Variants in DENND4C observed in about 807,000 individuals in gnomAD.
The protein encoded by DENND4C is DENN domain-containing protein 4C.
Under a neutral mutation model 203.0 loss-of-function variants are expected in DENND4C, and 108 were observed. The ratio of observed to expected loss-of-function variants is 0.53; its 90% CI spans 0.46 to 0.62. DENND4C has a LOEUF of 0.62. Among genes scored for constraint, DENND4C ranks in the 20% least tolerant of loss-of-function variants. DENND4C has a pLI of 0.00. For synonymous variants in DENND4C, 871 were observed against 792.4 expected (o/e 1.10, Z -1.67); for missense variants, 2,481 against 2,301.2 (o/e 1.08, Z -1.60).
At chr9:19,271,891 AAAG>A (rs1385009403) in intron 1 of DENND4C, among the ~76,000 whole-genome samples, 5 of 151,456 alleles carry the variant, frequency 3.3e-5, no homozygotes, top group African/African-American at 2.4e-5. Context: ...AAAAAAGAGA[AAAG>A]AAAACAGAGA....
chr9:19,271,863 C>G (rs1445651000), intron 1 of DENND4C, among the ~76,000 whole-genome samples: 3 of 142,296 alleles, frequency 2.1e-5, no homozygotes, highest in African/African-American at 5.3e-5. Flanking sequence ...GAGTGAAACT[C>G]TGTCTCAAAA....
At chr9:19,292,079 C>T (rs1588856388) in intron 5 of DENND4C, among the ~76,000 whole-genome samples, 2 of 151,922 alleles carry the variant, frequency 1.3e-5, no homozygotes, top group East Asian at 1.9e-4. Flanking sequence ...GGCTGGAGTG[C>T]AGTGGTGCGA....
Position 19,286,974 on chromosome 9 carries a change from C to A in DENND4C, c.511C>A (p.Pro171Thr). The A allele has an allele frequency of 1.6e-6, 2 of 1,232,048 alleles. No individual in the cohort carries two copies. Among genetic ancestry groups the A allele is most frequent in the South Asian group, 4.1e-5 (1 of 24,312 alleles). The allele number at this position is 1,232,048 out of a possible 1,614,324, so 76.3% of individuals were successfully genotyped here. The change falls in exon 3 of 33, where the codon CCT becomes ACT. Residue 171 changes from proline to threonine, a missense_variant. This residue lies in a region of DENND4C where 2,289 missense variants were observed against 2,113.3 expected (regional missense o/e 1.08). Transcript: ENST00000434457. ...TATTGTAACCAGTAAAGGAGAAACT[C>A]CTCCTCATACCTTCTGCAAAGTTGA... ...CVIVTSKGET[P>T]PHTFCKVDKN...
intron 1 of DENND4C, among the ~76,000 whole-genome samples, chr9:19,237,061 C>T (rs7019269): frequency 0.035 from 5,315 of 152,172 alleles, 320 homozygotes; most frequent in African/African-American, 0.12. Context: ...GCTCTTGTTG[C>T]CCGGGCTGGA....
At chr9:19,267,824 C>T (rs1003246097) in intron 1 of DENND4C, among the ~76,000 whole-genome samples, 2 of 152,152 alleles carry the variant, frequency 1.3e-5, no homozygotes, top group Non-Finnish European at 2.9e-5. Context: ...TAGGCATGAA[C>T]CACTGTGCCC....
At chr9:19,349,885 G>T (rs576770462) in intron 23 of DENND4C, among the ~76,000 whole-genome samples, 3 of 152,250 alleles carry the variant, frequency 2.0e-5, no homozygotes, top group African/African-American at 7.2e-5. Context: ...AGATTTATAT[G>T]ATTTTATATG....
chr9:19,350,867 C>T lies in DENND4C; in HGVS notation c.4483C>T (p.His1495Tyr), dbSNP rs749453801. The change falls in exon 24 of 33, where the codon CAT becomes TAT. Residue 1495 changes from histidine (H) to tyrosine (Y), a missense_variant. This residue lies in a region of DENND4C where 2,289 missense variants were observed against 2,113.3 expected (regional missense o/e 1.08). Transcript: ENST00000434457. The stretch of plus-strand genomic sequence containing the variant: ...CAGTAGTGGAGATGTAGGAAAACTG[C>T]ATTATCCAACAGGTATGGGGAAGGA... ...SSSSGDVGKLHYPTGEVPFPR... is the reference protein window; with the variant it reads ...SSSSGDVGKLYYPTGEVPFPR... 24 of 1,612,762 alleles carry T rather than the reference C, an allele frequency of 1.5e-5. No individual in the cohort carries two copies. The highest frequency in any genetic ancestry group is 2.0e-5 in the Non-Finnish European group (24 of 1,179,422).
chr9:19,307,435 A>G (rs1229984641), intron 10 of DENND4C, among the ~76,000 whole-genome samples: 6 of 150,806 alleles, frequency 4.0e-5, no homozygotes, highest in Non-Finnish European at 8.9e-5. Context: ...TCCAAATTAT[A>G]CAGAATAATG....
At chr9:19,255,059 A>G (rs549688090) in intron 1 of DENND4C, among the ~76,000 whole-genome samples, 1 of 152,168 alleles carries the variant, frequency 6.6e-6, no homozygotes, top group Non-Finnish European at 1.5e-5. Flanking sequence ...CAGGAGAGTC[A>G]CTTGAACCCC....
intron 1 of DENND4C, among the ~76,000 whole-genome samples, chr9:19,254,607 G>A (rs1827470540): frequency 6.6e-6 from 1 of 152,058 alleles, no homozygotes; most frequent in Non-Finnish European, 1.5e-5. Flanking sequence ...AAATAGGGAG[G>A]GGATGTAATG....
intron 1 of DENND4C, among the ~76,000 whole-genome samples, chr9:19,249,843 G>C (rs998003681): frequency 6.6e-6 from 1 of 151,750 alleles, no homozygotes; most frequent in African/African-American, 2.4e-5. Flanking sequence ...TTTTTTGTAG[G>C]GGCTAGGTCT....
chr9:19,331,899 C>T (rs1030261365), intron 16 of DENND4C, 79 bp from the exon 17 acceptor site: 36 of 1,328,758 alleles, frequency 2.7e-5, no homozygotes, highest in African/African-American at 7.4e-5. Flanking sequence ...CTTAAATTCT[C>T]CTCTCCCTTT....
At position 19,299,304 on chromosome 9, in the gene DENND4C, A is replaced by G. The variant is rs775519521; in HGVS notation, c.1166+17A>G. ...ACCACTAAGGTAATTACTGGTATTT[A>G]AAATGATATATTTATTCAGTTGGAG... On this transcript the variant is annotated intron_variant, in intron 8 of 32. Coordinates refer to ENST00000434457, the MANE Select transcript of DENND4C (RefSeq NM_001330640.2). 12 of 1,511,076 alleles carry G rather than the reference A, an allele frequency of 7.9e-6. No individual in the cohort carries two copies. Among genetic ancestry groups the G allele is most frequent in the South Asian group, 1.3e-5 (1 of 77,832 alleles). The allele number at this position is 1,511,076 out of a possible 1,614,324, so 93.6% of individuals were successfully genotyped here.
chr9:19,362,047 G>C, intron 30 of DENND4C, 84 bp downstream of exon 30: 2 of 754,744 alleles, frequency 2.6e-6, no homozygotes, highest in Non-Finnish European at 4.4e-6. Flanking sequence ...GCCTAGGCTG[G>C]CGGACCACTT....
At position 19,300,242 on chromosome 9, in the gene DENND4C, C is replaced by G. The variant is rs1280525271; in HGVS notation, c.1222C>G (p.Leu408Val). 6.2e-7 allele frequency: 1 copy of G among 1,613,162 alleles called. No individual in the cohort carries two copies. Among genetic ancestry groups the G allele is most frequent in the East Asian group, 2.2e-5 (1 of 44,850 alleles). ...MNLGPENCATLLLFVLLESKI... is the reference protein window; with the variant it reads ...MNLGPENCATVLLFVLLESKI... Reference sequence around the variant, plus strand: ...TCTGGGTCCTGAGAATTGTGCAACACTGCTGCTCTTTGTTTTACTTGAGAG... The same window carrying G: ...TCTGGGTCCTGAGAATTGTGCAACAGTGCTGCTCTTTGTTTTACTTGAGAG... The change falls in exon 9 of 33, where the codon CTG becomes GTG. Residue 408 changes from leucine (L) to valine (V), a missense_variant. Physicochemically the swap from Leu to Val is conservative, Grantham distance 32. Transcript: ENST00000434457.
At position 19,361,515 on chromosome 9, in the gene DENND4C, T is replaced by G. The variant is rs1232214156; in HGVS notation, c.5407-331T>G. On this transcript the variant is annotated intron_variant, in intron 29 of 32. Transcript: ENST00000434457. Reference sequence around the variant, plus strand: ...AAAGTACTATAAACTCTAGTTTGATTAGGTAGGTGAAACAAAATTATTTGG... The same window carrying G: ...AAAGTACTATAAACTCTAGTTTGATGAGGTAGGTGAAACAAAATTATTTGG... 2.0e-5 allele frequency among the ~76,000 whole-genome samples: 3 copies of G among 152,200 alleles called. No homozygotes were observed. In the East Asian group the frequency reaches 5.8e-4, roughly 29 times the overall value.
chr9:19,314,226 A>G (rs1285574590), intron 10 of DENND4C, among the ~76,000 whole-genome samples: 4 of 152,082 alleles, frequency 2.6e-5, no homozygotes, highest in Non-Finnish European at 4.4e-5. Context: ...AGGCTGATGC[A>G]GGCGGATCAC....
chr9:19,247,385 C>A (rs2131555675), intron 1 of DENND4C, among the ~76,000 whole-genome samples: 1 of 152,290 alleles, frequency 6.6e-6, no homozygotes, highest in South Asian at 2.1e-4. Context: ...TTGAACTCCA[C>A]ACTATAATGG....
chr9:19,336,599 A>G (rs1820529116), intron 19 of DENND4C, 87 bp from the exon 20 acceptor site: 1 of 1,454,300 alleles, frequency 6.9e-7, no homozygotes, highest in South Asian at 1.5e-5. Context: ...GTGTTCTGCA[A>G]CTATAAATGA....
Sources: gnomAD v4.1 joint callset for allele counts (sites outside exome capture counted in the v4.1 genomes callset) on GRCh38, gnomAD v4.1.1 for gene constraint, gnomAD v4.1.1 regional missense constraint, MANE v1.5 for transcripts, NCBI Gene and HGNC (gene_info 2026-07-23, HGNC 2026-07-21) for gene names.